Variants in UTP14A observed in about 807,000 individuals in gnomAD.
UTP14A encodes the protein U3 small nucleolar RNA-associated protein 14 homolog A.
In UTP14A, 5 loss-of-function variants were observed where a neutral mutation model predicts 57.2. That is an observed-to-expected ratio of 0.09 (90% CI 0.05 to 0.18). UTP14A has a LOEUF of 0.18. UTP14A is among the 10% of genes least tolerant of loss of function. The pLI is 1.00. For synonymous variants in UTP14A, 169 were observed against 210.9 expected (o/e 0.80, Z 1.72); for missense variants, 430 against 562.1 (o/e 0.76, Z 2.38).
intron 14 of UTP14A, 138 bp from the exon 15 acceptor site, chrX:129,929,198 A>T: frequency 1.3e-6 from 1 of 786,518 alleles, no homozygotes; most frequent in Non-Finnish European, 1.8e-6. Flanking sequence ...GGACGCCTTG[A>T]CCTCTCAGTC....
In UTP14A at chrX:129,907,421, C is replaced by T. The variant is rs1205193914; in HGVS notation, c.81C>T (p.Leu27=). The T allele has an allele frequency of 8.3e-7, 1 of 1,209,460 alleles. No homozygotes were observed. The highest frequency in any genetic ancestry group is 1.1e-6 in the Non-Finnish European group (1 of 894,771). The change falls in exon 2 of 15, where the codon CTC becomes CTT. Residue 27 remains leucine (L), a synonymous_variant. Coordinates refer to ENST00000394422, the MANE Select transcript of UTP14A (RefSeq NM_006649.4). Reference sequence around the variant, plus strand: ...TAGCGGATTTGCCAAAAGACTACCTCTTGAGTGAGAGTGAAGATGAGGTGG... The same window carrying T: ...TAGCGGATTTGCCAAAAGACTACCTTTTGAGTGAGAGTGAAGATGAGGTGG... ...EELADLPKDY[L]LSESEDEGDN... is the part of the protein sequence containing the mutation.
At chrX:129,919,639 A>C in intron 8 of UTP14A, 150 bp downstream of exon 8, 1 of 614,182 alleles carries the variant, frequency 1.6e-6, no homozygotes, top group Non-Finnish European at 2.5e-6. Context: ...GTTCCCCCCA[A>C]ACCAACCTCA....
chrX:129,925,183 A>G lies in UTP14A; in HGVS notation c.1737A>G (p.Thr579=), dbSNP rs1186713342. Residue 579 remains threonine, a synonymous_variant, in exon 12 of 15, where the codon ACA becomes ACG. Transcript: ENST00000394422. ...CCGTGAAGTCTTTGGCAGTTCCCACAATAGAGGAGCTGGTGAGCAGAGCCA... is the reference window on the plus strand; with the variant it reads ...CCGTGAAGTCTTTGGCAGTTCCCACGATAGAGGAGCTGGTGAGCAGAGCCA... ...SPSVKSLAVP[T]IEELEDEEER... The G allele has an allele frequency of 5.8e-6, 7 of 1,205,004 alleles. 1 individual carries two copies. The highest frequency in any genetic ancestry group is 4.5e-5 in the Admixed American group (2 of 44,714).
chrX:129,912,087 G>C (rs979273734), intron 6 of UTP14A, among the ~76,000 whole-genome samples, 166 bp downstream of exon 6: 3 of 110,121 alleles, frequency 2.7e-5, no homozygotes, highest in Non-Finnish European at 5.7e-5. Context: ...TCATGTGATA[G>C]CCAGTCACAA....
chrX:129,914,542 A>C (rs1929605380), intron 6 of UTP14A, among the ~76,000 whole-genome samples: 1 of 107,582 alleles, frequency 9.3e-6, no homozygotes, highest in Non-Finnish European at 1.9e-5. Context: ...ACGCCACTGC[A>C]CTCCAGCCTG....
At position 129,919,247 on chromosome X, in the gene UTP14A, C is replaced by T; in HGVS notation, c.610C>T (p.Leu204=). 1 of 1,211,847 alleles carries T rather than the reference C, an allele frequency of 8.3e-7. No individual in the cohort carries two copies. ...CAAGCAGCCAGTGACAGACCCTTTA[C>T]TGACCCCTGTGGAAAAGGCCTCTCT... ...KNKQPVTDPL[L]TPVEKASLRA... Residue 204 remains leucine, a synonymous_variant, in exon 7 of 15, where the codon CTG becomes TTG. Transcript: ENST00000394422.
chrX:129,924,720 T>C, intron 11 of UTP14A, 75 bp from the exon 12 acceptor site: 1 of 1,125,093 alleles, frequency 8.9e-7, no homozygotes, highest in Non-Finnish European at 1.2e-6. Flanking sequence ...ACTTGGTGGG[T>C]GCTCAACAAA....
At chrX:129,917,562 G>A (rs772552322) in intron 6 of UTP14A, among the ~76,000 whole-genome samples, 3 of 111,674 alleles carry the variant, frequency 2.7e-5, no homozygotes, top group African/African-American at 9.8e-5. Context: ...CAGTTCATTC[G>A]TTTCATACAT....
chrX:129,920,783 G>A, intron 10 of UTP14A, 31 bp downstream of exon 10: 1 of 1,211,587 alleles, frequency 8.3e-7, no homozygotes, highest in Non-Finnish European at 1.1e-6. Flanking sequence ...GAGAAGATCT[G>A]GAATTGGAGG....
chrX:129,920,415 G>A (rs758150625), intron 8 of UTP14A, 42 bp from the exon 9 acceptor site: 1 of 1,211,186 alleles, frequency 8.3e-7, no homozygotes, highest in Non-Finnish European at 1.1e-6. Context: ...TGACATCCGT[G>A]CTTCAGCTAA....
At chrX:129,912,056 G>T (rs1012015898) in intron 6 of UTP14A, 135 bp downstream of exon 6, 8 of 774,681 alleles carry the variant, frequency 1.0e-5, no homozygotes, top group South Asian at 2.9e-5. Flanking sequence ...GAAAGAAGGG[G>T]TTGCCCATCG....
Position 129,921,534 on chromosome X carries a change from A to T in UTP14A, c.1295A>T (p.Lys432Ile). 8.3e-7 allele frequency: 1 copy of T among 1,211,804 alleles called. No homozygotes were observed. Among genetic ancestry groups the T allele is most frequent in the South Asian group, 1.8e-5 (1 of 56,995 alleles). Reference protein sequence around the residue: ...REFEERRSLRKRSELSQDAEP... With the variant: ...REFEERRSLRIRSELSQDAEP... ...TTTGAGGAAAGGCGATCCCTTAGAA[A>T]AAGATCTGAGCTCAGCCAAGATGCT... Residue 432 changes from lysine to isoleucine, a missense_variant, in exon 11 of 15, where the codon AAA (lysine) becomes ATA (isoleucine). Physicochemically the swap from Lys to Ile is moderately radical, Grantham distance 102. Coordinates refer to ENST00000394422, the MANE Select transcript of UTP14A (RefSeq NM_006649.4).
At chrX:129,926,425 A>G in intron 14 of UTP14A, 86 bp downstream of exon 14, 1 of 824,222 alleles carries the variant, frequency 1.2e-6, no homozygotes. Flanking sequence ...ATCTGTAGTC[A>G]AGAGAGACGT....
chrX:129,928,489 C>T (rs1186577017), intron 14 of UTP14A, among the ~76,000 whole-genome samples: 1 of 104,558 alleles, frequency 9.6e-6, no homozygotes. Context: ...GGCGCGGTGG[C>T]TCACGCCTGT....
At chrX:129,912,500 G>GTA (rs771256287) in intron 6 of UTP14A, among the ~76,000 whole-genome samples, 2 of 110,072 alleles carry the variant, frequency 1.8e-5, no homozygotes, top group Non-Finnish European at 3.8e-5. Context: ...GTGATTGCCC[G>GTA]TATAGCAGGA....
chrX:129,927,120 A>T (rs1930134656), intron 14 of UTP14A, among the ~76,000 whole-genome samples: 1 of 111,165 alleles, frequency 9.0e-6, no homozygotes, highest in Non-Finnish European at 1.9e-5. Context: ...ATTCCAGGTG[A>T]TGGGTAGAGT....
At position 129,926,324 on chromosome X, in the gene UTP14A, C is replaced by T. The variant is rs780080316; in HGVS notation, c.2028C>T (p.His676=). 1.4e-5 allele frequency: 17 copies of T among 1,209,178 alleles called. No homozygotes were observed. The highest frequency in any genetic ancestry group is 8.9e-5 in the East Asian group (3 of 33,798). The change falls in exon 14 of 15, where the codon CAC becomes CAT. Residue 676 remains histidine, a synonymous_variant. Transcript: ENST00000394422. ...TTATCAATGAGAAGCGCAACATCCA[C>T]GCAGCTGCTCATCAGGTGAGAGCTT... ...NVIINEKRNI[H]AAAHQVRVLP... is the part of the protein sequence containing the mutation.
At chrX:129,911,440 GGT>G (rs1929463741) in intron 5 of UTP14A, among the ~76,000 whole-genome samples, 1 of 110,525 alleles carries the variant, frequency 9.0e-6, no homozygotes, top group African/African-American at 3.3e-5. Context: ...AAATTAGCCG[GGT>G]GTGGTGTAAT....
At position 129,929,711 on chromosome X, in the gene UTP14A, T is replaced by A; in HGVS notation, c.*103T>A. ...CAAAACTGGCTCAGTACATTGCATGTAGTTAAGCCACATTTTAAAAATAAA... is the reference window on the plus strand; with the variant it reads ...CAAAACTGGCTCAGTACATTGCATGAAGTTAAGCCACATTTTAAAAATAAA... On this transcript the variant is annotated 3_prime_UTR_variant, in exon 15 of 15. Transcript: ENST00000394422. 1.0e-6 allele frequency: 1 copy of A among 969,836 alleles called. No homozygotes were observed. Among genetic ancestry groups the A allele is most frequent in the Non-Finnish European group, 1.4e-6 (1 of 711,777 alleles). The allele number at this position is 969,836 out of a possible 1,213,427, so 79.9% of individuals were successfully genotyped here.
Sources: allele counts gnomAD v4.1 joint callset (sites outside exome capture counted in the v4.1 genomes callset), GRCh38; gene constraint gnomAD v4.1.1; transcripts MANE v1.5; gene names NCBI Gene and HGNC (gene_info 2026-07-23, HGNC 2026-07-21).